Variants in LRRN1 observed in about 807,000 individuals in gnomAD.
The protein encoded by LRRN1 is leucine-rich repeat neuronal protein 1.
A neutral mutation model predicts 45.8 loss-of-function variants in LRRN1; 14 were observed. That is an observed-to-expected ratio of 0.31 (90% confidence interval 0.20 to 0.48). LRRN1 has a LOEUF of 0.48. Among genes scored for constraint, LRRN1 ranks in the 20% least tolerant of loss-of-function variants. The probability of loss-of-function intolerance (pLI) is 0.99; values close to 1 mark genes in which losing one functional copy is unlikely to be tolerated. For missense variants in LRRN1, 789 were observed against 874.2 expected (o/e 0.90, Z 1.23); for synonymous variants, 359 against 330.1 (o/e 1.09, Z -0.95).
intron 1 of LRRN1, among the ~76,000 whole-genome samples, chr3:3,824,887 C>T (rs1190887850): frequency 1.3e-5 from 2 of 152,140 alleles, no homozygotes; most frequent in Admixed American, 6.5e-5. Context: ...GAGGTGTCCT[C>T]TGCAAAATGA....
intron 1 of LRRN1, among the ~76,000 whole-genome samples, chr3:3,802,573 T>C (rs777029432): frequency 2.0e-5 from 3 of 152,214 alleles, no homozygotes; most frequent in Non-Finnish European, 4.4e-5. Flanking sequence ...AAGTTATTTT[T>C]GCAGGTTCAG....
chr3:3,817,991 A>G (rs535856241), intron 1 of LRRN1, among the ~76,000 whole-genome samples: 3 of 152,318 alleles, frequency 2.0e-5, no homozygotes, highest in South Asian at 2.1e-4. Context: ...AGCCGCCTAC[A>G]TGTTGGCACT....
intron 1 of LRRN1, among the ~76,000 whole-genome samples, chr3:3,838,896 T>G (rs1693584406): frequency 6.6e-6 from 1 of 152,162 alleles, no homozygotes; most frequent in African/African-American, 2.4e-5. Context: ...TATAATATAT[T>G]CTGGATATTA....
chr3:3,817,509 C>T (rs767464124), intron 1 of LRRN1, among the ~76,000 whole-genome samples: 5 of 152,164 alleles, frequency 3.3e-5, no homozygotes, highest in Middle Eastern at 3.2e-3. Context: ...CACTTCTGTA[C>T]ATCTGCCTTC....
Position 3,830,834 on chromosome 3 carries a change from C to G in LRRN1, c.-278-13530C>G, listed in dbSNP as rs114132388. Among the ~76,000 whole-genome samples, 1,104 of 152,314 alleles carry G rather than the reference C, an allele frequency of 7.2e-3. 6 individuals carry two copies. Among genetic ancestry groups the G allele is most frequent in the Non-Finnish European group, 0.012 (841 of 68,024 alleles). The stretch of plus-strand genomic sequence containing the variant: ...TATGATAGTTCAGGTTGCATGGTAG[C>G]TTGGTGACCCATGGTCAAACGTTCA... On this transcript the variant is annotated intron_variant, in intron 1 of 1. Coordinates refer to ENST00000319331, the MANE Select transcript of LRRN1 (RefSeq NM_020873.7).
intron 1 of LRRN1, among the ~76,000 whole-genome samples, chr3:3,840,075 C>T (rs1276492718): frequency 1.3e-5 from 2 of 152,082 alleles, no homozygotes; most frequent in Non-Finnish European, 2.9e-5. Flanking sequence ...GAGAAACTTT[C>T]AGTTTTTTGC....
At chr3:3,807,018 G>A (rs17037210) in intron 1 of LRRN1, among the ~76,000 whole-genome samples, 14,951 of 152,206 alleles carry the variant, frequency 0.098, 911 homozygotes, top group South Asian at 0.26. Context: ...TTCCTAGACC[G>A]TGGAGTCCTA....
intron 1 of LRRN1, among the ~76,000 whole-genome samples, chr3:3,836,645 C>G (rs371287323): frequency 6.6e-6 from 1 of 152,088 alleles, no homozygotes; most frequent in Non-Finnish European, 1.5e-5. Flanking sequence ...ACCCTTCCCT[C>G]CTATGCAGCT....
In LRRN1 at chr3:3,848,434, G is replaced by A. The variant is rs541569828; in HGVS notation, c.*1642G>A. Among the ~76,000 whole-genome samples, 8 of 152,238 alleles carry A rather than the reference G, an allele frequency of 5.3e-5. No homozygotes were observed. Among genetic ancestry groups the A allele is most frequent in the African/African-American group, 1.9e-4 (8 of 41,536 alleles). The stretch of plus-strand genomic sequence containing the variant: ...AAGGTTGTTTCAAAAGGCAGCTGCC[G>A]CCAGGCACACAGCATTCCATCAGAC... On this transcript the variant is annotated 3_prime_UTR_variant, in exon 2 of 2. Coordinates refer to ENST00000319331, the MANE Select transcript of LRRN1 (RefSeq NM_020873.7).
intron 1 of LRRN1, chr3:3,804,268 A>G (rs1375306353): frequency 6.6e-6 from 1 of 152,188 alleles, no homozygotes; most frequent in Non-Finnish European, 1.5e-5. Context: ...GTATAACATA[A>G]TCGAGTTGGG....
At chr3:3,812,129 G>C (rs1219500764) in intron 1 of LRRN1, among the ~76,000 whole-genome samples, 1 of 152,230 alleles carries the variant, frequency 6.6e-6, no homozygotes, top group Non-Finnish European at 1.5e-5. Context: ...CTTGTGTGCA[G>C]ATCTTTTTCT....
At chr3:3,800,701 C>T (rs1454910083) in intron 1 of LRRN1, 1 of 136,360 alleles carries the variant, frequency 7.3e-6, no homozygotes, top group Non-Finnish European at 1.6e-5. Flanking sequence ...GGGGACAGAC[C>T]TCAGCCCGTG....
In LRRN1 at chr3:3,821,445, TG is replaced by T. The variant is rs1347556113; in HGVS notation, c.-279+21527del. Among the ~76,000 whole-genome samples, 5 of 152,300 alleles carry T rather than the reference TG, an allele frequency of 3.3e-5. No homozygotes were observed. The East Asian group carries it at 5.8e-4, about 18-fold the overall frequency. On this transcript the variant is annotated intron_variant, in intron 1 of 1. Transcript: ENST00000319331. ...CACCTATCTCTTTACTCCTCCCTTTTGACATGTACCTTTTCTTTTTTTTTGA... is the reference window on the plus strand; with the variant it reads ...CACCTATCTCTTTACTCCTCCCTTTTACATGTACCTTTTCTTTTTTTTTGA...
chr3:3,818,068 G>C (rs1465747438), intron 1 of LRRN1, among the ~76,000 whole-genome samples: 1 of 152,168 alleles, frequency 6.6e-6, no homozygotes, highest in Admixed American at 6.5e-5. Context: ...GTACAATCCG[G>C]AACCATTGTA....
chr3:3,837,339 C>T (rs201576364), intron 1 of LRRN1, among the ~76,000 whole-genome samples: 4 of 152,098 alleles, frequency 2.6e-5, no homozygotes, highest in African/African-American at 9.7e-5. Flanking sequence ...CCTTCCCCCC[C>T]CCATTTTATA....
At chr3:3,822,960 A>G (rs1203445430) in intron 1 of LRRN1, 1 of 152,162 alleles carries the variant, frequency 6.6e-6, no homozygotes, top group Admixed American at 6.6e-5. Context: ...CTCAGATTCC[A>G]TGAAACCTGC....
At chr3:3,813,646 C>T (rs1182363015) in intron 1 of LRRN1, among the ~76,000 whole-genome samples, 1 of 152,120 alleles carries the variant, frequency 6.6e-6, no homozygotes, top group Non-Finnish European at 1.5e-5. Context: ...AACCTCACTT[C>T]CAAACTCCAG....
intron 1 of LRRN1, among the ~76,000 whole-genome samples, chr3:3,819,613 G>A (rs1050375049): frequency 8.6e-5 from 13 of 152,044 alleles, no homozygotes; most frequent in South Asian, 2.1e-4. Context: ...ATTTTCCCTC[G>A]TCTTTAAAGG....
intron 1 of LRRN1, among the ~76,000 whole-genome samples, chr3:3,823,386 G>A (rs1693145510): frequency 6.6e-6 from 1 of 151,628 alleles, no homozygotes. Context: ...TAGCTCCTGG[G>A]GATGTTGTTT....
Sources: gnomAD v4.1 joint callset for allele counts (sites outside exome capture counted in the v4.1 genomes callset) on GRCh38, gnomAD v4.1.1 for gene constraint, MANE v1.5 for transcripts, NCBI Gene and HGNC (gene_info 2026-07-23, HGNC 2026-07-21) for gene names.